Variants in PLXDC2 observed in about 807,000 individuals in gnomAD.
The protein encoded by PLXDC2 is plexin domain-containing protein 2.
A neutral mutation model predicts 68.9 loss-of-function variants in PLXDC2; 40 were observed. The observed-to-expected ratio is 0.58, with a 90% CI of 0.45 to 0.76. The LOEUF is 0.76. Ranked by LOEUF, PLXDC2 falls within the 30% of genes least tolerant of loss-of-function variation. The probability of loss-of-function intolerance (pLI) is 0.00; values close to 1 mark genes in which losing one functional copy is unlikely to be tolerated. For synonymous variants in PLXDC2, 243 were observed against 234.2 expected (o/e 1.04, Z -0.34); for missense variants, 644 against 661.9 (o/e 0.97, Z 0.30).
At chr10:19,999,274 A>G (rs1834890189) in intron 1 of PLXDC2, among the ~76,000 whole-genome samples, 1 of 152,178 alleles carries the variant, frequency 6.6e-6, no homozygotes, top group Non-Finnish European at 1.5e-5. Context: ...AAAAAATGGT[A>G]AAAATTAACA....
intron 13 of PLXDC2, among the ~76,000 whole-genome samples, chr10:20,258,761 A>T (rs1448494758): frequency 6.6e-6 from 1 of 152,122 alleles, no homozygotes; most frequent in East Asian, 1.9e-4. Flanking sequence ...TAATCCCAGC[A>T]CTTTGGGAGG....
At chr10:19,976,825 AT>A (rs917617709) in intron 1 of PLXDC2, among the ~76,000 whole-genome samples, 13 of 121,584 alleles carry the variant, frequency 1.1e-4, no homozygotes, top group African/African-American at 1.2e-4. Context: ...ACTCTCTTTT[AT>A]TTTTTTTTTC....
intron 1 of PLXDC2, among the ~76,000 whole-genome samples, chr10:19,845,542 G>A (rs551968389): frequency 6.6e-6 from 1 of 152,150 alleles, no homozygotes; most frequent in Non-Finnish European, 1.5e-5. Context: ...GACCCCCAAA[G>A]TGGAGCTTAC....
intron 1 of PLXDC2, among the ~76,000 whole-genome samples, chr10:19,869,337 T>C (rs946452453): frequency 6.6e-6 from 1 of 151,616 alleles, no homozygotes; most frequent in African/African-American, 2.4e-5. Flanking sequence ...GGTGGGAGGA[T>C]GGCTGGAGCC....
intron 3 of PLXDC2, among the ~76,000 whole-genome samples, chr10:20,065,109 T>G (rs1368228649): frequency 6.6e-6 from 1 of 152,170 alleles, no homozygotes; most frequent in African/African-American, 2.4e-5. Flanking sequence ...AAGATTGGCT[T>G]TAGGGGTAAT....
intron 9 of PLXDC2, among the ~76,000 whole-genome samples, chr10:20,208,754 C>T (rs577194594): frequency 3.3e-5 from 5 of 151,844 alleles, no homozygotes; most frequent in Non-Finnish European, 7.4e-5. Flanking sequence ...AATTCACCCC[C>T]GATATTTCAT....
intron 1 of PLXDC2, among the ~76,000 whole-genome samples, chr10:19,942,458 A>G (rs1833834722): frequency 6.6e-6 from 1 of 152,298 alleles, no homozygotes; most frequent in Non-Finnish European, 1.5e-5. Context: ...ATGACTCAAA[A>G]CATTTCTCAT....
At chr10:20,000,180 C>T (rs954436985) in intron 1 of PLXDC2, among the ~76,000 whole-genome samples, 8 of 151,966 alleles carry the variant, frequency 5.3e-5, no homozygotes, top group Non-Finnish European at 8.8e-5. Flanking sequence ...TCTACAGTGA[C>T]GATGACAATA....
At chr10:20,108,286 C>T (rs1028273947) in intron 4 of PLXDC2, among the ~76,000 whole-genome samples, 3 of 152,088 alleles carry the variant, frequency 2.0e-5, no homozygotes, top group Non-Finnish European at 4.4e-5. Context: ...TGGATCCCTT[C>T]TCAGATAAGC....
intron 1 of PLXDC2, among the ~76,000 whole-genome samples, chr10:19,942,086 G>T (rs1833829693): frequency 6.6e-6 from 1 of 152,078 alleles, no homozygotes; most frequent in South Asian, 2.1e-4. Flanking sequence ...CTAAGGGGAA[G>T]ATTTATTTAA....
rs138193333 is a variant in PLXDC2, at chr10:20,026,310, A to G, written c.325-20559A>G. ...GTTTTTAATGTCCTAATAGTGAATG[A>G]CATTTAATCTAAAAAGGCAGCTGGT... On this transcript the variant is annotated intron_variant, in intron 2 of 13. Transcript: ENST00000377252. Among the ~76,000 whole-genome samples the G allele has an allele frequency of 1.2e-4, 18 of 152,266 alleles. 1 individual carries two copies. The East Asian group carries it at 3.3e-3, about 28-fold the overall frequency.
At chr10:19,959,611 C>T (rs767729442) in intron 1 of PLXDC2, among the ~76,000 whole-genome samples, 1 of 152,136 alleles carries the variant, frequency 6.6e-6, no homozygotes. Context: ...TAGAAATATT[C>T]GTATCTGAGA....
chr10:20,156,552 A>G (rs1364140726), intron 6 of PLXDC2, among the ~76,000 whole-genome samples: 4 of 152,160 alleles, frequency 2.6e-5, no homozygotes, highest in African/African-American at 4.8e-5. Context: ...ACAGTAGCTT[A>G]TGTAGAAAGG....
At chr10:20,045,863 A>G (rs535737217) in intron 2 of PLXDC2, among the ~76,000 whole-genome samples, 22 of 152,248 alleles carry the variant, frequency 1.4e-4, no homozygotes, top group Non-Finnish European at 2.9e-4. Flanking sequence ...TGGTTATAAA[A>G]CATTGCAATC....
chr10:20,096,066 A>G (rs1287709870), intron 4 of PLXDC2, among the ~76,000 whole-genome samples: 1 of 152,102 alleles, frequency 6.6e-6, no homozygotes, highest in African/African-American at 2.4e-5. Context: ...TCTTCTTTTC[A>G]AGAGCCATTT....
At chr10:19,913,341 G>A (rs1252225531) in intron 1 of PLXDC2, among the ~76,000 whole-genome samples, 7 of 152,016 alleles carry the variant, frequency 4.6e-5, no homozygotes, top group Admixed American at 1.3e-4. Context: ...CTTCCACCGT[G>A]ATTGTAAGTT....
chr10:20,064,315 G>A (rs1443351689), intron 3 of PLXDC2, among the ~76,000 whole-genome samples: 1 of 151,152 alleles, frequency 6.6e-6, no homozygotes. Flanking sequence ...CCACCTCCCG[G>A]GTTCATGCCA....
chr10:19,894,464 T>G (rs1003234517), intron 1 of PLXDC2, among the ~76,000 whole-genome samples: 2 of 152,158 alleles, frequency 1.3e-5, no homozygotes, highest in African/African-American at 2.4e-5. Flanking sequence ...TGGAGGACAT[T>G]TATTTGGCCA....
chr10:20,110,316 G>C (rs1350623701), intron 4 of PLXDC2, among the ~76,000 whole-genome samples: 1 of 152,094 alleles, frequency 6.6e-6, no homozygotes, highest in Non-Finnish European at 1.5e-5. Context: ...AGATTAATTA[G>C]TGCTGGGTCA....
Sources: allele counts gnomAD v4.1 joint callset (sites outside exome capture counted in the v4.1 genomes callset), GRCh38; gene constraint gnomAD v4.1.1; transcripts MANE v1.5; gene names NCBI Gene and HGNC (gene_info 2026-07-23, HGNC 2026-07-21).